GBF1: variants seen among roughly 807,000 people sequenced by gnomAD.
GBF1 encodes Golgi-specific brefeldin A-resistance guanine nucleotide exchange factor 1.
A neutral mutation model predicts 210.5 loss-of-function variants in GBF1; 114 were observed. The ratio of observed to expected loss-of-function variants is 0.54; its 90% CI spans 0.47 to 0.63. GBF1 has a LOEUF of 0.63. Ranked by LOEUF, GBF1 falls within the 30% of genes least tolerant of loss-of-function variation. The pLI is 0.00. For missense variants in GBF1, 1,851 were observed against 2,357.7 expected (o/e 0.79, Z 4.45); for synonymous variants, 850 against 889.2 (o/e 0.96, Z 0.78).
chr10:102,366,371 C>G lies in GBF1; in HGVS notation c.2310-12C>G. 4 of 1,613,884 alleles carry G rather than the reference C, an allele frequency of 2.5e-6. No individual in the cohort carries two copies. The highest frequency in any genetic ancestry group is 3.4e-6 in the Non-Finnish European group (4 of 1,179,804). On this transcript the variant is annotated splice_polypyrimidine_tract_variant and intron_variant, in intron 18 of 39. Transcript: ENST00000369983. The surrounding 1 kb of genome is among the most constrained non-coding windows in gnomAD (Gnocchi z 4.0). Reference sequence around the variant, plus strand: ...CACATTTTCAGCCTCTTCTTCCTTTCTTTCCCTATAGCACCTTCAGTTTTC... The same window carrying G: ...CACATTTTCAGCCTCTTCTTCCTTTGTTTCCCTATAGCACCTTCAGTTTTC...
In GBF1 at chr10:102,359,343, C is replaced by T. The variant is rs755339601; in HGVS notation, c.1088C>T (p.Ser363Phe). ...SIPEVLEECT[S>F]PADHSDSASV... ...CCTGAAGTGTTAGAGGAGTGCACGT[C>T]CCCTGCCGACCACTCTGACTCTGCC... is the stretch of plus-strand genomic sequence containing the variant. Residue 363 changes from serine (S) to phenylalanine (F), a missense_variant, in exon 11 of 40, where the codon TCC (serine) becomes TTC (phenylalanine). By Grantham distance (155) the Ser-to-Phe change is radical. Around this residue, in one of 3 missense-constraint regions of GBF1, gnomAD observed 804 missense variants for 958.6 expected, o/e 0.84. Coordinates refer to ENST00000369983, the MANE Select transcript of GBF1 (RefSeq NM_001377137.1). The T allele has an allele frequency of 1.2e-6, 2 of 1,611,312 alleles. No individual in the cohort carries two copies. Among genetic ancestry groups the T allele is most frequent in the Non-Finnish European group, 1.7e-6 (2 of 1,177,534 alleles).
At chr10:102,275,711 A>G (rs2074895608) in intron 3 of GBF1, among the ~76,000 whole-genome samples, 2 of 152,136 alleles carry the variant, frequency 1.3e-5, no homozygotes, top group Admixed American at 1.3e-4. Context: ...ATTATTTAAT[A>G]CCTACTATAG....
chr10:102,285,626 T>G (rs1021072842), intron 3 of GBF1, among the ~76,000 whole-genome samples: 3 of 152,178 alleles, frequency 2.0e-5, no homozygotes, highest in African/African-American at 7.2e-5. Context: ...CATCTATATA[T>G]TTTGTGATTT....
At position 102,258,911 on chromosome 10, in the gene GBF1, T is replaced by C. The variant is rs2072827212; in HGVS notation, c.-10-18T>C. On this transcript the variant is annotated intron_variant, in intron 1 of 39. Coordinates refer to ENST00000369983, the MANE Select transcript of GBF1 (RefSeq NM_001377137.1). ...TAACCAAATATTAACCAGACTATTA[T>C]CTTAACTGTTTTGGTAGGTTTGCCA... is the stretch of plus-strand genomic sequence containing the variant. 2 of 1,245,010 alleles carry C rather than the reference T, an allele frequency of 1.6e-6. No homozygotes were observed. Among genetic ancestry groups the C allele is most frequent in the South Asian group, 2.4e-5 (2 of 83,750 alleles). The allele number at this position is 1,245,010 out of a possible 1,614,324, so 77.1% of individuals were successfully genotyped here. A position where few individuals can be genotyped will look rare whatever the true frequency, so the allele number is the denominator to read the frequency against.
At chr10:102,323,154 T>G (rs1264397011) in intron 3 of GBF1, among the ~76,000 whole-genome samples, 9 of 127,350 alleles carry the variant, frequency 7.1e-5, no homozygotes, top group African/African-American at 1.9e-4. Flanking sequence ...ACATGATACC[T>G]CAATCTCCAG....
intron 3 of GBF1, among the ~76,000 whole-genome samples, chr10:102,263,438 T>C (rs1286548866): frequency 6.6e-6 from 1 of 152,228 alleles, no homozygotes; most frequent in Non-Finnish European, 1.5e-5. Flanking sequence ...TGGTCCTTTT[T>C]TGCAAAGGGT....
chr10:102,240,715 C>T (rs1316577169), upstream of GBF1, among the ~76,000 whole-genome samples: 1 of 152,242 alleles, frequency 6.6e-6, no homozygotes, highest in East Asian at 1.9e-4. Context: ...CCCTTCTGGG[C>T]CCAGACACCC....
intron 7 of GBF1, 102 bp from the exon 8 acceptor site, chr10:102,353,498 C>T (rs2059124747): frequency 2.5e-6 from 2 of 799,914 alleles, no homozygotes; most frequent in African/African-American, 1.7e-5. Context: ...TTCTAAGACA[C>T]AGGGCATGCT....
At chr10:102,294,199 T>A (rs1013931978) in intron 3 of GBF1, among the ~76,000 whole-genome samples, 3 of 152,074 alleles carry the variant, frequency 2.0e-5, no homozygotes, top group African/African-American at 7.2e-5. Flanking sequence ...AAAATCTTTT[T>A]AAAAATAAAT....
the GBF1 span, chr10:102,231,030 G>T: frequency 5.0e-6 from 8 of 1,597,116 alleles, no homozygotes; most frequent in Middle Eastern, 3.3e-4. Context: ...CCGCGAAGCT[G>T]CCTTTGCATA....
intron 1 of GBF1, among the ~76,000 whole-genome samples, chr10:102,250,353 G>A (rs1161482189): frequency 4.0e-5 from 6 of 151,726 alleles, no homozygotes; most frequent in South Asian, 2.1e-4. Flanking sequence ...GTGCCACCAC[G>A]CCTGCCTGAT....
chr10:102,245,282 C>T (rs1565001375), upstream of GBF1, among the ~76,000 whole-genome samples: 1 of 152,196 alleles, frequency 6.6e-6, no homozygotes, highest in East Asian at 1.9e-4. Flanking sequence ...TCTAGCCGCC[C>T]AGCCCAGTTC....
At chr10:102,301,353 C>G (rs2077329558) in intron 3 of GBF1, among the ~76,000 whole-genome samples, 1 of 152,246 alleles carries the variant, frequency 6.6e-6, no homozygotes, top group African/African-American at 2.4e-5. Flanking sequence ...TAGTACAGAA[C>G]AAAGTGGAGT....
rs1244823917 is a variant in GBF1, at chr10:102,284,812, T to C, written c.163+24696T>C. Among the ~76,000 whole-genome samples the C allele has an allele frequency of 2.0e-5, 3 of 152,210 alleles. No individual in the cohort carries two copies. The East Asian group carries it at 5.8e-4, about 29-fold the overall frequency. The stretch of plus-strand genomic sequence containing the variant: ...ATTGCTGGGTTGTATGGTAATTCTA[T>C]GTTTAACTTTTTGAGTAACTGCCAA... On this transcript the variant is annotated intron_variant, in intron 3 of 39. Coordinates refer to ENST00000369983, the MANE Select transcript of GBF1 (RefSeq NM_001377137.1).
chr10:102,381,931 G>T (rs933182863), intron 39 of GBF1, 125 bp from the exon 40 acceptor site: 3 of 685,158 alleles, frequency 4.4e-6, no homozygotes, highest in East Asian at 5.9e-5. Flanking sequence ...TTAGGCTGGT[G>T]GGGGGCCGTG....
chr10:102,258,352 C>T (rs1372017648), intron 1 of GBF1, among the ~76,000 whole-genome samples: 1 of 150,750 alleles, frequency 6.6e-6, no homozygotes, highest in Non-Finnish European at 1.5e-5. Flanking sequence ...GAGAGGGTTT[C>T]TCCATGTTGG....
chr10:102,277,155 C>T (rs905219350), intron 3 of GBF1, among the ~76,000 whole-genome samples: 9 of 152,112 alleles, frequency 5.9e-5, no homozygotes, highest in Admixed American at 2.6e-4. Context: ...AGGTAGACTC[C>T]ATCTCTACAA....
At chr10:102,237,377 G>A in the GBF1 span, among the ~76,000 whole-genome samples, 1 of 152,174 alleles carries the variant, frequency 6.6e-6, no homozygotes, top group East Asian at 1.9e-4. Flanking sequence ...GGAATAAGCT[G>A]GCAGGCTGGG....
At chr10:102,284,100 GCTTGT>G (rs2075741450) in intron 3 of GBF1, among the ~76,000 whole-genome samples, 1 of 152,098 alleles carries the variant, frequency 6.6e-6, no homozygotes, top group Non-Finnish European at 1.5e-5. Context: ...TGAGGTACCT[GCTTGT>G]CTCTACAAAA....
Sources: allele counts gnomAD v4.1 joint callset (sites outside exome capture counted in the v4.1 genomes callset), GRCh38; gene constraint gnomAD v4.1.1; regional missense constraint gnomAD v4.1.1; non-coding constraint Gnocchi (gnomAD v3.1); transcripts MANE v1.5; gene names NCBI Gene and HGNC (gene_info 2026-07-23, HGNC 2026-07-21).